The following CDH18 variants were observed in gnomAD, a reference collection of about 807,000 sequenced individuals.
CDH18 encodes the protein cadherin-18.
Under a neutral mutation model 67.9 loss-of-function variants are expected in CDH18, and 31 were observed. The observed-to-expected ratio is 0.46, with a 90% confidence interval of 0.34 to 0.62. The LOEUF is 0.62. Among genes scored for constraint, CDH18 ranks in the 20% least tolerant of loss-of-function variants. CDH18 has a pLI of 0.01. For missense variants in CDH18, 890 were observed against 975.5 expected, an observed-to-expected ratio of 0.91 and a Z score of 1.17; for synonymous variants, 362 against 347.2, an observed-to-expected ratio of 1.04 and a Z score of -0.48.
intron 5 of CDH18, among the ~76,000 whole-genome samples, chr5:19,634,166 G>T (rs1221471039): frequency 6.6e-6 from 1 of 152,152 alleles, no homozygotes; most frequent in Non-Finnish European, 1.5e-5. Flanking sequence ...ATTACATGAA[G>T]CTATGTTTGC....
intron 2 of CDH18, among the ~76,000 whole-genome samples, chr5:20,168,445 T>C (rs1046282956): frequency 2.6e-5 from 4 of 152,026 alleles, no homozygotes; most frequent in Admixed American, 1.3e-4. Context: ...CATTATTATT[T>C]AAAAGAATAG....
intron 2 of CDH18, among the ~76,000 whole-genome samples, chr5:19,966,631 T>C (rs910211842): frequency 6.6e-6 from 1 of 152,128 alleles, no homozygotes. Context: ...GGATTCTATA[T>C]GTAGAAAATT....
At chr5:20,227,387 T>C (rs1309322993) in intron 2 of CDH18, among the ~76,000 whole-genome samples, 2 of 152,096 alleles carry the variant, frequency 1.3e-5, no homozygotes, top group Admixed American at 1.3e-4. Context: ...TAATACAGCA[T>C]GTCATCACAA....
intron 5 of CDH18, among the ~76,000 whole-genome samples, chr5:19,709,017 T>A (rs1580992094): frequency 6.8e-6 from 1 of 147,044 alleles, no homozygotes; most frequent in East Asian, 2.0e-4. Context: ...AATAAATAAA[T>A]AAATAAATAA....
At chr5:20,228,514 G>A (rs1381849147) in intron 2 of CDH18, among the ~76,000 whole-genome samples, 1 of 147,304 alleles carries the variant, frequency 6.8e-6, no homozygotes, top group Non-Finnish European at 1.5e-5. Context: ...TTTAAAGAAT[G>A]CAATATATTG....
At chr5:20,285,905 A>T (rs1746662998) in intron 1 of CDH18, among the ~76,000 whole-genome samples, 1 of 151,632 alleles carries the variant, frequency 6.6e-6, no homozygotes, top group Admixed American at 6.6e-5. Context: ...ATGTAGGTTA[A>T]ATTTATTTTT....
intron 2 of CDH18, among the ~76,000 whole-genome samples, chr5:20,067,473 C>A (rs1336025695): frequency 6.6e-6 from 1 of 151,962 alleles, no homozygotes. Flanking sequence ...AATCCTCTAA[C>A]ACCATCCATA....
intron 3 of CDH18, among the ~76,000 whole-genome samples, chr5:19,773,674 C>T (rs1773976615): frequency 6.6e-6 from 1 of 151,998 alleles, no homozygotes; most frequent in Non-Finnish European, 1.5e-5. Flanking sequence ...ATATAGAAGA[C>T]ACTAAAATGT....
At chr5:19,801,087 G>A (rs1183185329) in intron 3 of CDH18, among the ~76,000 whole-genome samples, 3 of 152,022 alleles carry the variant, frequency 2.0e-5, no homozygotes. Flanking sequence ...ACTCCAGCCT[G>A]GGCAACAAAA....
intron 2 of CDH18, among the ~76,000 whole-genome samples, chr5:20,146,529 A>G (rs1750657287): frequency 6.6e-6 from 1 of 152,094 alleles, no homozygotes; most frequent in Non-Finnish European, 1.5e-5. Flanking sequence ...AGCTTCAGAA[A>G]GAAAAAGTTT....
At chr5:20,202,579 A>G (rs558116124) in intron 2 of CDH18, among the ~76,000 whole-genome samples, 1 of 152,254 alleles carries the variant, frequency 6.6e-6, no homozygotes, top group Non-Finnish European at 1.5e-5. Context: ...GGCAAAAACT[A>G]GAGAAATAAC....
chr5:19,995,934 C>T (rs985966664), intron 2 of CDH18, among the ~76,000 whole-genome samples: 1 of 152,032 alleles, frequency 6.6e-6, no homozygotes, highest in Non-Finnish European at 1.5e-5. Flanking sequence ...TTTAGAAGAT[C>T]CTGAGGCATT....
chr5:19,616,802 C>T (rs1485502651), intron 5 of CDH18, among the ~76,000 whole-genome samples: 1 of 152,084 alleles, frequency 6.6e-6, no homozygotes, highest in African/African-American at 2.4e-5. Flanking sequence ...AGTCCAAGAT[C>T]GAGGTACCAG....
intron 2 of CDH18, among the ~76,000 whole-genome samples, chr5:19,884,703 A>T (rs1788015720): frequency 6.6e-6 from 1 of 152,026 alleles, no homozygotes; most frequent in Non-Finnish European, 1.5e-5. Context: ...TTTTAAAAAA[A>T]GTATTGGTGT....
At chr5:20,495,306 G>C (rs542890384) in intron 1 of CDH18, among the ~76,000 whole-genome samples, 2 of 152,078 alleles carry the variant, frequency 1.3e-5, no homozygotes, top group South Asian at 4.2e-4. Flanking sequence ...CTGTATAAAT[G>C]TTAAGGCCCT....
chr5:19,762,494 C>T (rs931295550), intron 3 of CDH18, among the ~76,000 whole-genome samples: 16 of 152,134 alleles, frequency 1.1e-4, no homozygotes, highest in Non-Finnish European at 2.2e-4. Context: ...TGAAATAATG[C>T]TCATCATCAC....
At chr5:19,705,558 T>C (rs1763845528) in intron 5 of CDH18, among the ~76,000 whole-genome samples, 2 of 152,244 alleles carry the variant, frequency 1.3e-5, no homozygotes, top group African/African-American at 4.8e-5. Flanking sequence ...ATAGATAAAA[T>C]AGATCCAGAG....
Position 20,095,448 on chromosome 5 carries a change from G to GA in CDH18, c.-517-103435dup, listed in dbSNP as rs1423942685. 1.3e-3 allele frequency among the ~76,000 whole-genome samples: 106 copies of GA among 83,564 alleles called. 3 individuals are homozygous for GA. The highest frequency in any genetic ancestry group is 3.2e-3 in the African/African-American group (70 of 21,768). The allele number at this position is 83,564 out of a possible 152,430, so 54.8% of individuals were successfully genotyped here. On this transcript the variant is annotated intron_variant, in intron 2 of 14. Transcript: ENST00000507958. ...GAAAGAAAGAAAGAAAGAAAGAAAA[G>GA]AAAGAAAGAAAGAAGAAAGAAGGAA...
At chr5:20,348,710 T>C (rs1158112368) in intron 1 of CDH18, among the ~76,000 whole-genome samples, 1 of 152,140 alleles carries the variant, frequency 6.6e-6, no homozygotes, top group African/African-American at 2.4e-5. Flanking sequence ...GAGAGTGCAT[T>C]CCTACACATA....
Sources: allele counts gnomAD v4.1 joint callset (sites outside exome capture counted in the v4.1 genomes callset), GRCh38; gene constraint gnomAD v4.1.1; transcripts MANE v1.5; gene names NCBI Gene and HGNC (gene_info 2026-07-23, HGNC 2026-07-21).